The following SLC4A8 variants were observed in gnomAD, a reference collection of about 807,000 sequenced individuals.
SLC4A8 encodes the protein electroneutral sodium bicarbonate exchanger 1.
SLC4A8 carries 40 observed loss-of-function variants against 125.0 expected under a neutral mutation model. The observed-to-expected ratio is 0.32, with a 90% CI of 0.25 to 0.42. The LOEUF (loss-of-function observed/expected upper bound fraction) is 0.42. Ranked by LOEUF, SLC4A8 falls within the 10% of genes least tolerant of loss-of-function variation. The pLI is 1.00. For synonymous variants in SLC4A8, 456 were observed against 476.0 expected (o/e 0.96, Z 0.55); for missense variants, 863 against 1,355.1 (o/e 0.64, Z 5.70).
In SLC4A8 at chr12:51,504,073, A is replaced by G. The variant is rs774806116; in HGVS notation, c.3126A>G (p.Leu1042=). The change falls in exon 23 of 25, where the codon TTA becomes TTG. Residue 1042 remains leucine, a synonymous_variant. Transcript: ENST00000453097. ...AAATTGGGGGAGACAAGTTTCCCTT[A>G]GAGAGCAGGAAGTTACTAAGTAGTC... The part of the protein sequence containing the change: ...MLEIGGDKFP[L]ESRKLLSSPG... 1.3e-6 allele frequency: 2 copies of G among 1,590,044 alleles called. No homozygotes were observed. The highest frequency in any genetic ancestry group is 4.5e-5 in the East Asian group (2 of 44,360).
At chr12:51,444,970 T>C (rs1168747162) in intron 2 of SLC4A8, among the ~76,000 whole-genome samples, 2 of 152,150 alleles carry the variant, frequency 1.3e-5, no homozygotes, top group Admixed American at 1.3e-4. Context: ...CAAGGAGAAG[T>C]AGAGGTTCTA....
intron 1 of SLC4A8, among the ~76,000 whole-genome samples, chr12:51,427,944 A>G (rs965903574): frequency 6.6e-5 from 10 of 152,176 alleles, no homozygotes; most frequent in Admixed American, 3.9e-4. Context: ...GCCTTTTAGA[A>G]TAAAATCCAA....
At chr12:51,425,577 C>A (rs548597846) in intron 1 of SLC4A8, among the ~76,000 whole-genome samples, 1 of 152,236 alleles carries the variant, frequency 6.6e-6, no homozygotes, top group Non-Finnish European at 1.5e-5. Context: ...CTGAAAACTT[C>A]TGGGTAGGGA....
chr12:51,403,748 A>G (rs1323104917), intron 1 of SLC4A8, among the ~76,000 whole-genome samples: 1 of 152,240 alleles, frequency 6.6e-6, no homozygotes, highest in African/African-American at 2.4e-5. Context: ...TCTGTTAATC[A>G]AGCCATGTCA....
Position 51,469,749 on chromosome 12 carries a change from C to T in SLC4A8, c.1485C>T (p.Thr495=), listed in dbSNP as rs761147804. The T allele has an allele frequency of 1.4e-5, 22 of 1,614,100 alleles. 1 individual carries two copies. The South Asian group carries it at 2.3e-4, about 17-fold the overall frequency. The change falls in exon 12 of 25, where the codon ACC becomes ACT. Residue 495 remains threonine, a synonymous_variant. Coordinates refer to ENST00000453097, the MANE Select transcript of SLC4A8 (RefSeq NM_001039960.3). ...GTGCCTGCATGTCACCTGTCATCACCTTTGGGGGACTGCTTGGAGAAGCCA... is the reference window on the plus strand; with the variant it reads ...GTGCCTGCATGTCACCTGTCATCACTTTTGGGGGACTGCTTGGAGAAGCCA... ...LYCACMSPVI[T]FGGLLGEATE...
intron 16 of SLC4A8, among the ~76,000 whole-genome samples, chr12:51,482,169 A>C (rs1268390181): frequency 6.6e-6 from 1 of 152,206 alleles, no homozygotes; most frequent in East Asian, 1.9e-4. Flanking sequence ...ACTGTACTGT[A>C]CACATAAAAT....
intron 14 of SLC4A8, among the ~76,000 whole-genome samples, chr12:51,473,603 C>A (rs926081796): frequency 6.6e-6 from 1 of 152,140 alleles, no homozygotes; most frequent in Admixed American, 6.5e-5. Flanking sequence ...ACAGACCATA[C>A]AAAGTTAGTG....
intron 1 of SLC4A8, among the ~76,000 whole-genome samples, chr12:51,427,580 G>C (rs1282740949): frequency 2.6e-5 from 4 of 152,234 alleles, no homozygotes; most frequent in Admixed American, 1.3e-4. Flanking sequence ...GAGAATGAGG[G>C]TAGAAGGAGG....
chr12:51,423,771 C>A (rs1206591636), upstream of SLC4A8, among the ~76,000 whole-genome samples: 1 of 152,170 alleles, frequency 6.6e-6, no homozygotes, highest in African/African-American at 2.4e-5. Context: ...CCATGGCTCA[C>A]GCCTGTAATC....
intron 1 of SLC4A8, among the ~76,000 whole-genome samples, chr12:51,411,673 T>G (rs1018340794): frequency 6.6e-6 from 1 of 152,208 alleles, no homozygotes; most frequent in Admixed American, 6.5e-5. Flanking sequence ...TTATTTTCAT[T>G]TTCATATTTA....
Position 51,513,001 on chromosome 12 carries a change from T to G in SLC4A8, c.*5563T>G, listed in dbSNP as rs935899572. On this transcript the variant is annotated 3_prime_UTR_variant, in exon 25 of 25. Coordinates refer to ENST00000453097, the MANE Select transcript of SLC4A8 (RefSeq NM_001039960.3). ...ACAATGGGAGATTTCAGAAACAGTT[T>G]GAGTGTTGGCAGACCAATGCCCTGA... The G allele has an allele frequency of 6.6e-6, 1 of 152,144 alleles. No individual in the cohort carries two copies. The highest frequency in any genetic ancestry group is 2.4e-5 in the African/African-American group (1 of 41,422). 9.4% of individuals were successfully genotyped at this position (152,144 alleles called of 1,614,324 possible).
chr12:51,460,636 G>A (rs945006374), intron 8 of SLC4A8, among the ~76,000 whole-genome samples: 30 of 152,184 alleles, frequency 2.0e-4, no homozygotes, highest in African/African-American at 6.5e-4. Flanking sequence ...TCTGAATAAA[G>A]GTATTTGTTT....
At chr12:51,504,707 C>A (rs997767033) in intron 23 of SLC4A8, among the ~76,000 whole-genome samples, 5 of 152,178 alleles carry the variant, frequency 3.3e-5, no homozygotes, top group Non-Finnish European at 5.9e-5. Context: ...CAATGTTAGC[C>A]TGGCTTGTGG....
upstream of SLC4A8, chr12:51,420,124 C>T (rs533355298): frequency 1.1e-4 from 16 of 152,356 alleles, no homozygotes; most frequent in African/African-American, 3.8e-4. Flanking sequence ...GAAATGCTCC[C>T]AGACGACAGC....
At chr12:51,403,969 C>T (rs1948442970) in intron 1 of SLC4A8, among the ~76,000 whole-genome samples, 1 of 152,262 alleles carries the variant, frequency 6.6e-6, no homozygotes, top group African/African-American at 2.4e-5. Context: ...CAGGTGGTGG[C>T]AGTGGCTGCA....
chr12:51,449,942 T>C (rs1009587228), intron 2 of SLC4A8, among the ~76,000 whole-genome samples: 1 of 152,056 alleles, frequency 6.6e-6, no homozygotes, highest in African/African-American at 2.4e-5. Flanking sequence ...GGTGGGAGGA[T>C]TGCTTGAGCC....
In SLC4A8 at chr12:51,485,100, T is replaced by C. The variant is rs1857581255; in HGVS notation, c.2173-687T>C. ...AGCAGGAGAGCAATAAGAGCTGGGG[T>C]GGGAGATGTGATGATGCCAATTGTG... On this transcript the variant is annotated intron_variant, in intron 16 of 24. Coordinates refer to ENST00000453097, the MANE Select transcript of SLC4A8 (RefSeq NM_001039960.3). Among the ~76,000 whole-genome samples, 3 of 151,714 alleles carry C rather than the reference T, an allele frequency of 2.0e-5. No homozygotes were observed. The South Asian group carries it at 6.3e-4, about 32-fold the overall frequency.
At chr12:51,500,751 A>G (rs991964377) in intron 22 of SLC4A8, among the ~76,000 whole-genome samples, 1 of 150,970 alleles carries the variant, frequency 6.6e-6, no homozygotes, top group Non-Finnish European at 1.5e-5. Flanking sequence ...CAGTGGCGCT[A>G]TCTCGGCTCA....
intron 16 of SLC4A8, among the ~76,000 whole-genome samples, chr12:51,478,843 A>G (rs1392476999): frequency 6.6e-6 from 1 of 152,220 alleles, no homozygotes. Context: ...ATAGGAGCTT[A>G]ATACCATGTG....
Sources: gnomAD v4.1 joint callset for allele counts (sites outside exome capture counted in the v4.1 genomes callset) on GRCh38, gnomAD v4.1.1 for gene constraint, MANE v1.5 for transcripts, NCBI Gene and HGNC (gene_info 2026-07-23, HGNC 2026-07-21) for gene names.